Variants in COL4A1 observed in about 807,000 individuals in gnomAD.
COL4A1 encodes the protein collagen alpha-1(IV) chain.
A neutral mutation model predicts 216.6 loss-of-function variants in COL4A1; 40 were observed. That is an observed-to-expected ratio of 0.18 (90% CI 0.14 to 0.24). COL4A1 has a LOEUF of 0.24. Among genes scored for constraint, COL4A1 ranks in the 10% least tolerant of loss-of-function variants. The probability of loss-of-function intolerance (pLI) is 1.00; values close to 1 mark genes in which losing one functional copy is unlikely to be tolerated. For synonymous variants in COL4A1, 839 were observed against 810.7 expected (o/e 1.03, Z -0.59); for missense variants, 1,628 against 2,196.8 (o/e 0.74, Z 5.18).
intron 28 of COL4A1, among the ~76,000 whole-genome samples, chr13:110,182,249 C>T (rs1178239857): frequency 1.3e-5 from 2 of 152,162 alleles, no homozygotes; most frequent in African/African-American, 2.4e-5. Flanking sequence ...AAGGGGCTGC[C>T]GTCTCCTGTT....
Position 110,207,175 on chromosome 13 carries a change from C to T in COL4A1, c.780+228G>A, listed in dbSNP as rs1289942535. 1.3e-5 allele frequency among the ~76,000 whole-genome samples: 2 copies of T among 151,910 alleles called. No homozygotes were observed. The highest frequency in any genetic ancestry group is 2.4e-5 in the African/African-American group (1 of 41,340). On this transcript the variant is annotated intron_variant, in intron 13 of 51. Coordinates refer to ENST00000375820, the MANE Select transcript of COL4A1 (RefSeq NM_001845.6). The surrounding 1 kb of genome is among the most constrained non-coding windows in gnomAD (Gnocchi z 4.4). The stretch of plus-strand genomic sequence containing the variant: ...TCCAACTTGGGGCACATTTAAGAAG[C>T]CCTGATCCAGCGGGGTGAGCCTCAG...
rs559877621 is a variant in COL4A1, at chr13:110,174,614, CT to C, written c.3325+8del. On this transcript the variant is annotated splice_region_variant and intron_variant, in intron 38 of 51. Coordinates refer to ENST00000375820, the MANE Select transcript of COL4A1 (RefSeq NM_001845.6). ...TTCCCCAAGTCCAAGAGAAGCCCCC[CT>C]CACCTACCTGGATAGCCAACACTCC... is the stretch of plus-strand genomic sequence containing the variant. The C allele has an allele frequency of 5.0e-5, 80 of 1,614,172 alleles. 1 individual carries two copies. In the African/African-American group the frequency reaches 9.6e-4, roughly 19 times the overall value.
In COL4A1 at chr13:110,164,843, A is replaced by G; in HGVS notation, c.4150+19T>C. The G allele has an allele frequency of 6.2e-7, 1 of 1,613,076 alleles. No homozygotes were observed. The highest frequency in any genetic ancestry group is 8.5e-7 in the Non-Finnish European group (1 of 1,179,612). On this transcript the variant is annotated intron_variant, in intron 46 of 51. Coordinates refer to ENST00000375820, the MANE Select transcript of COL4A1 (RefSeq NM_001845.6). The stretch of plus-strand genomic sequence containing the variant: ...CTCTGGGCTCCCCATACCGCCCTGC[A>G]CAGGCCAAGCCTTCTCACCTTGCTG...
intron 24 of COL4A1, among the ~76,000 whole-genome samples, chr13:110,187,593 G>C (rs1878458260): frequency 1.3e-5 from 2 of 152,162 alleles, no homozygotes; most frequent in Admixed American, 6.5e-5. Context: ...GGGAGTTATA[G>C]TGTGGCTTTG....
chr13:110,167,710 TAAG>T (rs890548171), intron 43 of COL4A1, among the ~76,000 whole-genome samples: 2 of 152,216 alleles, frequency 1.3e-5, no homozygotes, highest in African/African-American at 4.8e-5. Context: ...CAAAGAAAAT[TAAG>T]AAATGCTAAG....
rs764685688 is a variant in COL4A1, at chr13:110,164,891, T to G, written c.4121A>C (p.Gln1374Pro). Residue 1374 changes from glutamine (Q) to proline (P), a missense_variant, in exon 46 of 52, where the codon CAG (glutamine) becomes CCG (proline). Gln to Pro is a moderately conservative substitution (Grantham distance 76, BLOSUM62 -1). Coordinates refer to ENST00000375820, the MANE Select transcript of COL4A1 (RefSeq NM_001845.6). ...PEGPPGLKGL[Q>P]GLPGPKGQQG... is the part of the protein sequence containing the mutation. ...CTGGCCTTTCGGGCCTGGCAGTCCC[T>G]GAAGCCCTTTCAGCCCTGGGGGGCC... 6.2e-7 allele frequency: 1 copy of G among 1,611,014 alleles called. No individual in the cohort carries two copies. The highest frequency in any genetic ancestry group is 1.7e-5 in the Admixed American group (1 of 59,620).
At position 110,150,428 on chromosome 13, in the gene COL4A1, T is replaced by C; in HGVS notation, c.4945A>G (p.Thr1649Ala). The C allele has an allele frequency of 6.2e-7, 1 of 1,614,070 alleles. No individual in the cohort carries two copies. The highest frequency in any genetic ancestry group is 8.5e-7 in the Non-Finnish European group (1 of 1,180,018). Residue 1649 changes from threonine (T) to alanine (A), a missense_variant, in exon 52 of 52, where the codon ACC becomes GCC. By Grantham distance (58) the Thr-to-Ala change is moderately conservative. This residue lies in a region of COL4A1 where 254 missense variants were observed against 300.1 expected (regional missense o/e 0.85). Transcript: ENST00000375820. ...GTGCGCAGCTCCCCTGCCTTCAAGG[T>C]GGACGGCGTAGGCTTCCTAAAACAC... ...SEMFKKPTPSTLKAGELRTHV... is the reference protein window; with the variant it reads ...SEMFKKPTPSALKAGELRTHV...
intron 1 of COL4A1, among the ~76,000 whole-genome samples, chr13:110,267,981 C>T (rs1201181460): frequency 6.6e-6 from 1 of 151,660 alleles, no homozygotes; most frequent in Admixed American, 6.6e-5. Context: ...ATGCTCCAAA[C>T]ATCATCAACA....
chr13:110,210,197 T>C lies in COL4A1; in HGVS notation c.484A>G (p.Ile162Val). ...LPGMKGDPGE[I>V]LGHVPGMLLK... ...AGCATCCCGGGCACATGGCCAAGTATCTCACCTGGATCACCCTAGAGGATG... is the reference window on the plus strand; with the variant it reads ...AGCATCCCGGGCACATGGCCAAGTACCTCACCTGGATCACCCTAGAGGATG... The change falls in exon 9 of 52, where the codon ATA becomes GTA. Residue 162 changes from isoleucine to valine, a missense_variant. Coordinates refer to ENST00000375820, the MANE Select transcript of COL4A1 (RefSeq NM_001845.6). 6.2e-7 allele frequency: 1 copy of C among 1,613,700 alleles called. No homozygotes were observed. The highest frequency in any genetic ancestry group is 8.5e-7 in the Non-Finnish European group (1 of 1,180,028).
chr13:110,214,098 T>C (rs1879952381), intron 2 of COL4A1, 83 bp from the exon 3 acceptor site: 1 of 1,112,778 alleles, frequency 9.0e-7, no homozygotes, highest in Non-Finnish European at 1.4e-6. Flanking sequence ...GATGGCTATA[T>C]ATATATTTTT....
intron 1 of COL4A1, among the ~76,000 whole-genome samples, chr13:110,277,920 T>G (rs766114274): frequency 6.6e-6 from 1 of 152,228 alleles, no homozygotes; most frequent in Admixed American, 6.5e-5. Flanking sequence ...TTTATAATTA[T>G]TAAGTAACCC....
At position 110,183,018 on chromosome 13, in the gene COL4A1, T is replaced by G. The variant is rs1372207482; in HGVS notation, c.2070A>C (p.Gly690=). 10 of 1,613,118 alleles carry G rather than the reference T, an allele frequency of 6.2e-6. No individual in the cohort carries two copies. The highest frequency in any genetic ancestry group is 8.5e-6 in the Non-Finnish European group (10 of 1,179,856). The change falls in exon 28 of 52, where the codon GGA becomes GGC. Residue 690 remains glycine (G), a synonymous_variant. Coordinates refer to ENST00000375820, the MANE Select transcript of COL4A1 (RefSeq NM_001845.6). ...CTTTGGGGCCGGGGGGCCCTGGAAATCCAATGCCTGGCTGGCCCACAGCGC... is the reference window on the plus strand; with the variant it reads ...CTTTGGGGCCGGGGGGCCCTGGAAAGCCAATGCCTGGCTGGCCCACAGCGC... The part of the protein sequence containing the change: ...EKGAVGQPGI[G]FPGPPGPKGV...
At chr13:110,250,413 AG>A (rs1173978694) in intron 1 of COL4A1, among the ~76,000 whole-genome samples, 2 of 152,176 alleles carry the variant, frequency 1.3e-5, no homozygotes, top group South Asian at 2.1e-4. Flanking sequence ...GGCTTCTCTT[AG>A]GAACAACATG....
At chr13:110,183,755 T>C (rs1594558040) in intron 26 of COL4A1, among the ~76,000 whole-genome samples, 1 of 152,184 alleles carries the variant, frequency 6.6e-6, no homozygotes, top group African/African-American at 2.4e-5. Context: ...GAACGATCCA[T>C]TATCTGTAAT....
chr13:110,255,556 GGGCAGGCAGGAAGGGAGGGGGCA>G (rs1327425259), intron 1 of COL4A1, among the ~76,000 whole-genome samples: 3 of 89,232 alleles, frequency 3.4e-5, no homozygotes, highest in African/African-American at 1.3e-4. Context: ...GAAGGGAAGG[GGGCAGGCAGGAAGGGAGGGGGCA>G]GGCAGGCAGG....
chr13:110,162,804 C>A (rs761724713), intron 47 of COL4A1, among the ~76,000 whole-genome samples: 3 of 152,192 alleles, frequency 2.0e-5, no homozygotes, highest in African/African-American at 7.2e-5. Flanking sequence ...GTCATTCACA[C>A]GGAATCGTGG....
intron 1 of COL4A1, among the ~76,000 whole-genome samples, chr13:110,262,871 A>G (rs1882883771): frequency 1.3e-5 from 2 of 152,176 alleles, no homozygotes; most frequent in South Asian, 4.1e-4. Context: ...TTTCATTTCA[A>G]GGGCTGCAAG....
In COL4A1 at chr13:110,267,889, G is replaced by C. The variant is rs549317791; in HGVS notation, c.85-25155C>G. Among the ~76,000 whole-genome samples the C allele has an allele frequency of 2.0e-5, 3 of 152,104 alleles. No homozygotes were observed. In the East Asian group the frequency reaches 5.8e-4, roughly 29 times the overall value. ...TATTTATATGTATATGTGTATTTAT[G>C]TATACATAAAAAATATGTAGGTCAG... On this transcript the variant is annotated intron_variant, in intron 1 of 51. Coordinates refer to ENST00000375820, the MANE Select transcript of COL4A1 (RefSeq NM_001845.6).
At chr13:110,249,070 A>C (rs1044388487) in intron 1 of COL4A1, among the ~76,000 whole-genome samples, 1 of 152,044 alleles carries the variant, frequency 6.6e-6, no homozygotes, top group African/African-American at 2.4e-5. Flanking sequence ...CCTAAAAAAG[A>C]ATCTTAAAAC....
Sources: allele counts gnomAD v4.1 joint callset (sites outside exome capture counted in the v4.1 genomes callset), GRCh38; gene constraint gnomAD v4.1.1; regional missense constraint gnomAD v4.1.1; non-coding constraint Gnocchi (gnomAD v3.1); transcripts MANE v1.5; gene names NCBI Gene and HGNC (gene_info 2026-07-23, HGNC 2026-07-21).